Variants in SMAD9 observed in about 807,000 individuals in gnomAD.
SMAD9 encodes MAD homolog 9.
A neutral mutation model predicts 46.1 loss-of-function variants in SMAD9; 36 were observed. The observed-to-expected ratio is 0.78, with a 90% CI of 0.60 to 1.03. The LOEUF is 1.03. SMAD9 is among the 50% of genes least tolerant of loss of function. SMAD9 has a pLI of 0.00. For synonymous variants in SMAD9, 245 were observed against 237.1 expected (o/e 1.03, Z -0.31); for missense variants, 572 against 599.8 (o/e 0.95, Z 0.48).
At chr13:36,887,411 TGG>T (rs2058455975) in intron 1 of SMAD9, among the ~76,000 whole-genome samples, 2 of 151,582 alleles carry the variant, frequency 1.3e-5, no homozygotes, top group African/African-American at 4.8e-5. Context: ...TTAGTAGAGA[TGG>T]GGTTTCGTCA....
chr13:36,865,775 C>A lies in SMAD9; in HGVS notation c.782-17G>T. On this transcript the variant is annotated splice_polypyrimidine_tract_variant and intron_variant, in intron 4 of 6. Transcript: ENST00000379826. ...GTCGAAAGTCTGGAAGAAAACAAAC[C>A]AGAGAACACATGGCTACTGTCATAC... 1.3e-6 allele frequency: 2 copies of A among 1,595,368 alleles called. No homozygotes were observed. The highest frequency in any genetic ancestry group is 1.7e-6 in the Non-Finnish European group (2 of 1,163,956).
intron 1 of SMAD9, among the ~76,000 whole-genome samples, chr13:36,900,724 C>CAT (rs1566037400): frequency 7.7e-6 from 1 of 129,178 alleles, no homozygotes; most frequent in Non-Finnish European, 1.6e-5. Context: ...CACACACACA[C>CAT]ACATAAATGT....
intron 6 of SMAD9, chr13:36,850,147 T>C (rs1389485733): frequency 6.6e-6 from 1 of 152,220 alleles, no homozygotes; most frequent in Non-Finnish European, 1.5e-5. Flanking sequence ...ATTGTTAAAA[T>C]GAATGATCAG....
intron 2 of SMAD9, among the ~76,000 whole-genome samples, chr13:36,878,130 G>A (rs1426757649): frequency 2.0e-5 from 3 of 151,992 alleles, no homozygotes; most frequent in Non-Finnish European, 4.4e-5. Context: ...CCAAGAGGAG[G>A]AGGAAATATA....
intron 5 of SMAD9, among the ~76,000 whole-genome samples, chr13:36,862,915 T>A (rs893753807): frequency 7.2e-5 from 11 of 152,224 alleles, no homozygotes; most frequent in Non-Finnish European, 1.5e-4. Flanking sequence ...ATTTCGTGTC[T>A]GTCTTTCCCC....
chr13:36,879,350 C>CA lies in SMAD9; in HGVS notation c.339dup (p.Glu114Ter). 1.2e-6 allele frequency: 2 copies of CA among 1,614,186 alleles called. No homozygotes were observed. Among genetic ancestry groups the CA allele is most frequent in the Non-Finnish European group, 1.7e-6 (2 of 1,180,040 alleles). On this transcript the variant is annotated frameshift_variant, in exon 2 of 7. Transcript: ENST00000379826. LOFTEE classifies it high-confidence loss of function. ...TTCTGCTTGGAGCCAAATGGGAACT[C>CA]ACAGCACTCCAGCGGCTTCAGCTCG...
rs1261962152 is a variant in SMAD9 at position 36,845,904 on chromosome 13, T to A, written c.*2772A>T. ...TTTATTTGTCACAGAAAATTCAGAT[T>A]CACTGCAATATTGTGTTCTGGCTTC... is the stretch of plus-strand genomic sequence containing the variant. On this transcript the variant is annotated 3_prime_UTR_variant, in exon 7 of 7. Transcript: ENST00000379826. 1 of 152,162 alleles carries A rather than the reference T, an allele frequency of 6.6e-6. No individual in the cohort carries two copies. The highest frequency in any genetic ancestry group is 1.5e-5 in the Non-Finnish European group (1 of 68,030). The allele number at this position is 152,162 out of a possible 1,614,324, so 9.4% of individuals were successfully genotyped here.
chr13:36,906,504 G>T (rs1177096560), intron 1 of SMAD9, among the ~76,000 whole-genome samples: 3 of 151,748 alleles, frequency 2.0e-5, no homozygotes, highest in African/African-American at 4.8e-5. Context: ...AGACAAAAAA[G>T]AAAAAAGTTA....
chr13:36,871,666 A>G (rs915508069), intron 3 of SMAD9, among the ~76,000 whole-genome samples: 1 of 152,250 alleles, frequency 6.6e-6, no homozygotes, highest in Admixed American at 6.5e-5. Flanking sequence ...AAATAGACAC[A>G]CAGGAATTAT....
Position 36,853,642 on chromosome 13 carries a change from T to A in SMAD9, c.1037A>T (p.Tyr346Phe), listed in dbSNP as rs1183207460. The A allele has an allele frequency of 1.9e-6, 3 of 1,613,966 alleles. No individual in the cohort carries two copies. The highest frequency in any genetic ancestry group is 3.3e-5 in the Admixed American group (2 of 60,000). ...GCTGCTGTCACTCACGCACTCGGCA[T>A]ACACCTCTCCCCCGACGTAGTACAA... ...VHLYYVGGEV[Y>F]AECVSDSSIF... The change falls in exon 6 of 7, where the codon TAT becomes TTT. Residue 346 changes from tyrosine to phenylalanine, a missense_variant. Physicochemically the swap from Tyr to Phe is conservative, Grantham distance 22. Transcript: ENST00000379826.
intron 1 of SMAD9, among the ~76,000 whole-genome samples, chr13:36,901,389 G>GATAT (rs2058574602): frequency 6.6e-6 from 1 of 151,020 alleles, no homozygotes; most frequent in South Asian, 2.1e-4. Context: ...GATATGTAGT[G>GATAT]ATATATCACT....
At chr13:36,864,722 A>G (rs2138374464) in intron 5 of SMAD9, among the ~76,000 whole-genome samples, 1 of 152,260 alleles carries the variant, frequency 6.6e-6, no homozygotes, top group Non-Finnish European at 1.5e-5. Context: ...GTATGTTAGG[A>G]AGAATATTAG....
chr13:36,880,676 C>T (rs1177462117), intron 1 of SMAD9, among the ~76,000 whole-genome samples: 1 of 152,170 alleles, frequency 6.6e-6, no homozygotes, highest in African/African-American at 2.4e-5. Flanking sequence ...ACTAACTTCG[C>T]TTCACATACT....
chr13:36,878,650 T>C (rs141001204), intron 2 of SMAD9, among the ~76,000 whole-genome samples: 34 of 152,340 alleles, frequency 2.2e-4, no homozygotes, highest in African/African-American at 7.2e-4. Flanking sequence ...AGACATGAGA[T>C]ATCTTCTACT....
intron 1 of SMAD9, among the ~76,000 whole-genome samples, chr13:36,883,730 A>G (rs1226632884): frequency 3.3e-5 from 5 of 152,238 alleles, no homozygotes; most frequent in Admixed American, 2.6e-4. Flanking sequence ...CAGCCTGGGC[A>G]ACAGAGAGAG....
intron 1 of SMAD9, among the ~76,000 whole-genome samples, chr13:36,893,447 T>A (rs575727384): frequency 1.4e-5 from 2 of 147,826 alleles, no homozygotes; most frequent in Non-Finnish European, 3.0e-5. Flanking sequence ...TATAAATATA[T>A]ATATATATAC....
At chr13:36,849,980 T>A (rs1215107384) in intron 6 of SMAD9, 1 of 152,310 alleles carries the variant, frequency 6.6e-6, no homozygotes, top group African/African-American at 2.4e-5. Flanking sequence ...TACTGCCCTA[T>A]GTTTTTATCC....
rs2058046644 is a variant in SMAD9, at chr13:36,847,876, G to C, written c.*800C>G. 6.6e-6 allele frequency: 1 copy of C among 152,292 alleles called. No individual in the cohort carries two copies. The highest frequency in any genetic ancestry group is 1.5e-5 in the Non-Finnish European group (1 of 68,076). The allele number at this position is 152,292 out of a possible 1,614,324, so 9.4% of individuals were successfully genotyped here. On this transcript the variant is annotated 3_prime_UTR_variant, in exon 7 of 7. Coordinates refer to ENST00000379826, the MANE Select transcript of SMAD9 (RefSeq NM_001127217.3). ...CTGACACGAACAACCAGCACGACAGGAACCTGGTCTCCTCTGTGGAAAGCA... is the reference window on the plus strand; with the variant it reads ...CTGACACGAACAACCAGCACGACAGCAACCTGGTCTCCTCTGTGGAAAGCA...
intron 1 of SMAD9, among the ~76,000 whole-genome samples, chr13:36,880,082 T>C (rs1593590832): frequency 6.6e-6 from 1 of 152,134 alleles, no homozygotes; most frequent in African/African-American, 2.4e-5. Flanking sequence ...GGAAAAAACA[T>C]TCTTCAAATG....
Sources: allele counts gnomAD v4.1 joint callset (sites outside exome capture counted in the v4.1 genomes callset), GRCh38; gene constraint gnomAD v4.1.1; transcripts MANE v1.5; gene names NCBI Gene and HGNC (gene_info 2026-07-23, HGNC 2026-07-21).